Variants in XKR9 observed in about 807,000 individuals in gnomAD.
XKR9 encodes XK related 9, also known as XK-related protein 9.
In XKR9, 32 loss-of-function variants were observed where a neutral mutation model predicts 32.0. That is an observed-to-expected ratio of 1.00 (90% CI 0.76 to 1.34). The LOEUF (loss-of-function observed/expected upper bound fraction) is 1.34. Among genes scored for constraint, XKR9 ranks in the 40% most tolerant of loss-of-function variants. The pLI is 0.00. For synonymous variants in XKR9, 168 were observed against 143.4 expected, an observed-to-expected ratio of 1.17 and a Z score of -1.22; for missense variants, 546 against 429.7, an observed-to-expected ratio of 1.27 and a Z score of -2.39.
chr8:70,889,130 A>G, the XKR9 span, among the ~76,000 whole-genome samples: 1 of 150,790 alleles, frequency 6.6e-6, no homozygotes, highest in East Asian at 1.9e-4. Context: ...TTCTTTCATC[A>G]GTGTTTTATA....
intron 2 of XKR9, among the ~76,000 whole-genome samples, chr8:70,759,929 G>A (rs1807285390): frequency 6.6e-6 from 1 of 152,220 alleles, no homozygotes; most frequent in Non-Finnish European, 1.5e-5. Context: ...CATTGTTCTA[G>A]AGGGTGATTG....
chr8:70,715,539 G>A (rs1470166207), intron 4 of XKR9, among the ~76,000 whole-genome samples: 1 of 152,020 alleles, frequency 6.6e-6, no homozygotes, highest in African/African-American at 2.4e-5. Context: ...CTTAAACTTT[G>A]ATATGCTTAA....
the XKR9 span, among the ~76,000 whole-genome samples, chr8:70,881,931 C>T: frequency 6.6e-6 from 1 of 152,106 alleles, no homozygotes. Flanking sequence ...TACTATGCAG[C>T]CATAAAAAAG....
At chr8:71,060,256 A>C in the XKR9 span, among the ~76,000 whole-genome samples, 2 of 152,186 alleles carry the variant, frequency 1.3e-5, no homozygotes, top group Admixed American at 1.3e-4. Flanking sequence ...CTAGGGAATA[A>C]TCTGGGCCCT....
the XKR9 span, among the ~76,000 whole-genome samples, chr8:71,051,723 G>T: frequency 6.6e-6 from 1 of 152,176 alleles, no homozygotes; most frequent in African/African-American, 2.4e-5. Context: ...AAAACATTAT[G>T]ATTACAAAGG....
chr8:70,950,219 T>G, the XKR9 span, among the ~76,000 whole-genome samples: 1 of 152,024 alleles, frequency 6.6e-6, no homozygotes. Flanking sequence ...TACAACTTGG[T>G]GGGGGAAGAC....
chr8:70,777,031 A>G (rs1160681011), intron 2 of XKR9, among the ~76,000 whole-genome samples: 1 of 150,436 alleles, frequency 6.6e-6, no homozygotes, highest in East Asian at 2.0e-4. Context: ...ATAGGTATAC[A>G]TGTGCCATGT....
intron 2 of XKR9, among the ~76,000 whole-genome samples, chr8:70,776,923 T>TC (rs1563477157): frequency 1.3e-4 from 8 of 59,618 alleles, no homozygotes; most frequent in East Asian, 3.6e-4. Flanking sequence ...TTCTCTTTCT[T>TC]TCTCTCTCTC....
intron 2 of XKR9, among the ~76,000 whole-genome samples, chr8:70,782,657 A>G (rs1022678428): frequency 6.6e-6 from 1 of 152,106 alleles, no homozygotes; most frequent in Non-Finnish European, 1.5e-5. Context: ...TTTCACATAT[A>G]AATGAGTACA....
chr8:70,803,038 A>C, the XKR9 span, among the ~76,000 whole-genome samples: 2 of 152,162 alleles, frequency 1.3e-5, no homozygotes, highest in Non-Finnish European at 1.5e-5. Flanking sequence ...GATATCCTCA[A>C]ATATGTTTTT....
chr8:70,744,211 T>C (rs190675112), intron 2 of XKR9, among the ~76,000 whole-genome samples: 2 of 151,806 alleles, frequency 1.3e-5, no homozygotes, highest in Non-Finnish European at 2.9e-5. Context: ...CTTGGGAGGC[T>C]GAGGAAGGAG....
chr8:70,967,922 A>G, the XKR9 span, among the ~76,000 whole-genome samples: 1 of 151,742 alleles, frequency 6.6e-6, no homozygotes, highest in African/African-American at 2.4e-5. Context: ...CTTGGGGTTG[A>G]TCTTCTCGTG....
Position 70,734,346 on chromosome 8 carries a change from T to G in XKR9, c.1044T>G (p.Ser348Arg), listed in dbSNP as rs1241613474. The change falls in exon 5 of 5, where the codon AGT becomes AGG. Residue 348 changes from serine (S) to arginine (R), a missense_variant. Ser to Arg is a moderately radical substitution (Grantham distance 110). Coordinates refer to ENST00000408926, the MANE Select transcript of XKR9 (RefSeq NM_001011720.2). ...VYYGSFHPNR[S>R]AETKCDEIDG... Reference sequence around the variant, plus strand: ...ATGGGAGTTTTCACCCAAACAGAAGTGCAGAAACAAAATGTGATGAAATTG... The same window carrying G: ...ATGGGAGTTTTCACCCAAACAGAAGGGCAGAAACAAAATGTGATGAAATTG... 6.2e-7 allele frequency: 1 copy of G among 1,611,470 alleles called. No homozygotes were observed. The highest frequency in any genetic ancestry group is 1.3e-5 in the African/African-American group (1 of 74,826).
At chr8:70,697,491 G>C (rs1805326739) in intron 3 of XKR9, among the ~76,000 whole-genome samples, 1 of 151,604 alleles carries the variant, frequency 6.6e-6, no homozygotes, top group South Asian at 2.1e-4. Context: ...TACATTTCTT[G>C]ATTTGCATAT....
At chr8:70,932,584 A>G in the XKR9 span, among the ~76,000 whole-genome samples, 1 of 152,172 alleles carries the variant, frequency 6.6e-6, no homozygotes, top group African/African-American at 2.4e-5. Context: ...AAGTATTATA[A>G]CAAAATACTA....
the XKR9 span, among the ~76,000 whole-genome samples, chr8:70,832,109 A>G: frequency 6.6e-6 from 1 of 152,316 alleles, no homozygotes; most frequent in East Asian, 1.9e-4. Context: ...CTGATCTAGA[A>G]AGCAGGTATC....
At chr8:70,717,743 G>A (rs769622649) in intron 4 of XKR9, among the ~76,000 whole-genome samples, 17 of 152,152 alleles carry the variant, frequency 1.1e-4, no homozygotes, top group Non-Finnish European at 1.8e-4. Flanking sequence ...ATTCGACTGC[G>A]TAATACTTAT....
chr8:70,930,929 G>A, the XKR9 span, among the ~76,000 whole-genome samples: 34 of 152,146 alleles, frequency 2.2e-4, no homozygotes, highest in African/African-American at 8.2e-4. Flanking sequence ...TCACCTTTCT[G>A]GTGAAGAAGT....
the XKR9 span, among the ~76,000 whole-genome samples, chr8:71,048,649 T>A: frequency 4.6e-5 from 7 of 152,214 alleles, no homozygotes; most frequent in Admixed American, 3.3e-4. Flanking sequence ...GGCCTGAAAG[T>A]CACAATATCA....
Sources: allele counts gnomAD v4.1 joint callset (sites outside exome capture counted in the v4.1 genomes callset), GRCh38; gene constraint gnomAD v4.1.1; transcripts MANE v1.5; gene names NCBI Gene and HGNC (gene_info 2026-07-23, HGNC 2026-07-21).